The following ADCY2 variants were observed in gnomAD, a reference collection of about 807,000 sequenced individuals.
ADCY2 encodes adenylate cyclase type 2.
ADCY2 carries 31 observed loss-of-function variants against 125.2 expected under a neutral mutation model. The observed-to-expected ratio is 0.25, with a 90% CI of 0.19 to 0.33. ADCY2 has a LOEUF of 0.33. Ranked by LOEUF, ADCY2 falls within the 10% of genes least tolerant of loss-of-function variation. The pLI is 1.00. For synonymous variants in ADCY2, 512 were observed against 548.4 expected (o/e 0.93, Z 0.93); for missense variants, 904 against 1,418.2 (o/e 0.64, Z 5.82).
chr5:7,737,021 T>C (rs1213419608), intron 14 of ADCY2, among the ~76,000 whole-genome samples: 2 of 152,174 alleles, frequency 1.3e-5, no homozygotes, highest in African/African-American at 4.8e-5. Context: ...TTTTTGCTAT[T>C]TTCAAAAGAA....
intron 3 of ADCY2, among the ~76,000 whole-genome samples, chr5:7,557,070 G>A (rs1399845930): frequency 6.6e-6 from 1 of 151,164 alleles, no homozygotes; most frequent in South Asian, 2.1e-4. Context: ...GACCAGGAGA[G>A]GATGTTTTCA....
intron 3 of ADCY2, among the ~76,000 whole-genome samples, chr5:7,565,161 A>G (rs552640785): frequency 2.6e-5 from 4 of 152,322 alleles, no homozygotes; most frequent in Admixed American, 6.5e-5. Context: ...GACTAGAAGG[A>G]AAAGTTTCTC....
intron 3 of ADCY2, among the ~76,000 whole-genome samples, chr5:7,599,082 G>A (rs1386322883): frequency 6.6e-6 from 1 of 152,136 alleles, no homozygotes; most frequent in African/African-American, 2.4e-5. Flanking sequence ...CAGCCAAGGG[G>A]CAGGTAGATT....
chr5:7,670,754 TA>T (rs1385549450), intron 4 of ADCY2, among the ~76,000 whole-genome samples: 5 of 152,174 alleles, frequency 3.3e-5, no homozygotes, highest in African/African-American at 1.2e-4. Context: ...GTGCACAGTT[TA>T]CTATAGCGTC....
At chr5:7,555,608 A>AAGG (rs1422930794) in intron 3 of ADCY2, among the ~76,000 whole-genome samples, 1 of 152,212 alleles carries the variant, frequency 6.6e-6, no homozygotes, top group Non-Finnish European at 1.5e-5. Context: ...CTAATTTGAA[A>AAGG]GATGAACTTA....
chr5:7,694,739 C>T (rs1740833441), intron 5 of ADCY2, among the ~76,000 whole-genome samples: 1 of 152,204 alleles, frequency 6.6e-6, no homozygotes, highest in Admixed American at 6.5e-5. Context: ...TATGAACATT[C>T]ATGTACAAAT....
At chr5:7,622,777 T>C (rs1488958536) in intron 3 of ADCY2, among the ~76,000 whole-genome samples, 3 of 152,324 alleles carry the variant, frequency 2.0e-5, no homozygotes, top group South Asian at 4.2e-4. Context: ...ACAAGAAACG[T>C]TGGCCTGGTC....
intron 3 of ADCY2, 133 bp from the exon 4 acceptor site, chr5:7,626,034 C>T: frequency 9.7e-7 from 1 of 1,030,342 alleles, no homozygotes; most frequent in Non-Finnish European, 1.4e-6. Context: ...AAAAATGTTA[C>T]TTTGGAAACA....
chr5:7,815,507 C>A (rs1426499009), intron 22 of ADCY2, among the ~76,000 whole-genome samples: 1 of 152,106 alleles, frequency 6.6e-6, no homozygotes, highest in Non-Finnish European at 1.5e-5. Context: ...GGAGCAGAAA[C>A]CTTCAGGACA....
Position 7,489,083 on chromosome 5 carries a change from C to T in ADCY2, c.409-31655C>T, listed in dbSNP as rs914042053. 9.8e-5 allele frequency among the ~76,000 whole-genome samples: 15 copies of T among 152,298 alleles called. 1 individual carries two copies. The highest frequency in any genetic ancestry group is 3.6e-4 in the African/African-American group (15 of 41,560). On this transcript the variant is annotated intron_variant, in intron 2 of 24. Transcript: ENST00000338316. ...CAAAACACAGACTTTCCTGCCCTGC[C>T]CAGAGCACTCCTGAGGCCCGGCTCT... is the stretch of plus-strand genomic sequence containing the variant.
intron 18 of ADCY2, among the ~76,000 whole-genome samples, chr5:7,783,519 C>A (rs76049938): frequency 6.6e-6 from 1 of 152,000 alleles, no homozygotes; most frequent in South Asian, 2.1e-4. Context: ...TTGAACCCCC[C>A]ACAGAGAAGC....
In ADCY2 at chr5:7,766,723, A is replaced by G. The variant is rs141523430; in HGVS notation, c.2131A>G (p.Thr711Ala). ...LSDSEETIPP[T>A]ANTTNTSFSA... is the part of the protein sequence containing the mutation. ...TGACTCAGAGGAAACAATCCCTCCA[A>G]CTGCCAACACAACAAACACAAGCTT... The change falls in exon 17 of 25, where the codon ACT (threonine) becomes GCT (alanine). Residue 711 changes from threonine to alanine, a missense_variant. Transcript: ENST00000338316. The G allele has an allele frequency of 2.2e-4, 348 of 1,612,598 alleles. No individual in the cohort carries two copies. In the African/African-American group the frequency reaches 4.1e-3, roughly 19 times the overall value.
chr5:7,645,423 A>T (rs772523414), intron 4 of ADCY2, among the ~76,000 whole-genome samples: 1 of 152,136 alleles, frequency 6.6e-6, no homozygotes, highest in Non-Finnish European at 1.5e-5. Context: ...AAAGGCCAGG[A>T]TATACTTTTT....
chr5:7,444,000 A>C (rs1741123354), intron 2 of ADCY2, among the ~76,000 whole-genome samples: 1 of 151,970 alleles, frequency 6.6e-6, no homozygotes, highest in East Asian at 1.9e-4. Flanking sequence ...ATGGCTATCT[A>C]TATATAATCT....
chr5:7,819,534 T>C lies in ADCY2; in HGVS notation c.2999-1031T>C, dbSNP rs545262485. Reference sequence around the variant, plus strand: ...GTTTATTGACATTAAATGTCTACTTTACCCTGATTGTCCAATAACTGATAA... The same window carrying C: ...GTTTATTGACATTAAATGTCTACTTCACCCTGATTGTCCAATAACTGATAA... On this transcript the variant is annotated intron_variant, in intron 23 of 24. Coordinates refer to ENST00000338316, the MANE Select transcript of ADCY2 (RefSeq NM_020546.3). 1.5e-4 allele frequency among the ~76,000 whole-genome samples: 23 copies of C among 152,320 alleles called. No homozygotes were observed. The South Asian group carries it at 4.8e-3, about 32-fold the overall frequency.
Position 7,823,890 on chromosome 5 carries a change from G to A in ADCY2, c.3124-2829G>A, listed in dbSNP as rs1251551314. Among the ~76,000 whole-genome samples the A allele has an allele frequency of 2.0e-5, 3 of 152,174 alleles. No homozygotes were observed. The East Asian group carries it at 5.8e-4, about 30-fold the overall frequency. On this transcript the variant is annotated intron_variant, in intron 24 of 24. Transcript: ENST00000338316. The stretch of plus-strand genomic sequence containing the variant: ...TATTGGGCTTCATAAAGCTCCATGC[G>A]ACTCAGGGCAGGTCGGCCACCTACA...
intron 2 of ADCY2, among the ~76,000 whole-genome samples, chr5:7,442,915 C>G (rs1035830035): frequency 6.6e-6 from 1 of 152,076 alleles, no homozygotes; most frequent in Admixed American, 6.5e-5. Flanking sequence ...GAATATTATC[C>G]TAAATGTTCT....
At chr5:7,609,434 A>T (rs1737495790) in intron 3 of ADCY2, among the ~76,000 whole-genome samples, 1 of 152,240 alleles carries the variant, frequency 6.6e-6, no homozygotes, top group African/African-American at 2.4e-5. Context: ...TGTCAATAAT[A>T]TTTGTTGAAT....
intron 2 of ADCY2, among the ~76,000 whole-genome samples, chr5:7,489,428 C>A (rs556123462): frequency 6.6e-6 from 1 of 152,164 alleles, no homozygotes; most frequent in Non-Finnish European, 1.5e-5. Flanking sequence ...TCTTGTTCCT[C>A]ATCTCTTGGC....
Sources: allele counts gnomAD v4.1 joint callset (sites outside exome capture counted in the v4.1 genomes callset), GRCh38; gene constraint gnomAD v4.1.1; transcripts MANE v1.5; gene names NCBI Gene and HGNC (gene_info 2026-07-23, HGNC 2026-07-21).